UTRN: variants seen among roughly 807,000 people sequenced by gnomAD.
The protein encoded by UTRN is dystrophin-related protein 1.
UTRN carries 283 observed loss-of-function variants against 463.9 expected under a neutral mutation model. The ratio of observed to expected loss-of-function variants is 0.61; its 90% CI spans 0.55 to 0.67. UTRN has a LOEUF of 0.67. Ranked by LOEUF, UTRN falls within the 30% of genes least tolerant of loss-of-function variation. The pLI, the probability that UTRN is intolerant of heterozygous loss-of-function variation, is 0.00. For missense variants in UTRN, 3,922 were observed against 4,084.3 expected (o/e 0.96, Z 1.08); for synonymous variants, 1,442 against 1,431.5 (o/e 1.01, Z -0.17).
chr6:144,518,532 T>C (rs1795825255), intron 39 of UTRN, among the ~76,000 whole-genome samples: 1 of 152,222 alleles, frequency 6.6e-6, no homozygotes, highest in Non-Finnish European at 1.5e-5. Context: ...TCTTTTTAGG[T>C]TAGCTGAAAA....
chr6:144,353,776 G>A (rs971090358), intron 2 of UTRN, among the ~76,000 whole-genome samples: 3 of 152,156 alleles, frequency 2.0e-5, no homozygotes, highest in Admixed American at 2.0e-4. Flanking sequence ...GAACCTGGGA[G>A]TCGGAGGTTG....
At position 144,354,682 on chromosome 6, in the gene UTRN, C is replaced by T. The variant is rs1427638662; in HGVS notation, c.80-48441C>T. Among the ~76,000 whole-genome samples the T allele has an allele frequency of 3.9e-5, 6 of 152,122 alleles. No individual in the cohort carries two copies. The East Asian group carries it at 1.2e-3, about 29-fold the overall frequency. On this transcript the variant is annotated intron_variant, in intron 2 of 74. Coordinates refer to ENST00000367545, the MANE Select transcript of UTRN (RefSeq NM_007124.3). ...CTGCCCTTAGATCATCAGCCATTCA[C>T]TCCTATGGTCGGTCAAGGACACCTT...
At chr6:144,350,560 A>T (rs1213147600) in intron 2 of UTRN, among the ~76,000 whole-genome samples, 1 of 152,242 alleles carries the variant, frequency 6.6e-6, no homozygotes, top group African/African-American at 2.4e-5. Context: ...CGTCATCTAC[A>T]ACAGATGACA....
chr6:144,491,022 G>A lies in UTRN; in HGVS notation c.4357G>A (p.Gly1453Ser), dbSNP rs773065019. ...RMLDCKRVLD[G>S]VKAELHVLDV... ...GCTGGACTGCAAGCGTGTGCTGGATGGCGTGAAAGCAGAACTTCACGTTCT... is the reference window on the plus strand; with the variant it reads ...GCTGGACTGCAAGCGTGTGCTGGATAGCGTGAAAGCAGAACTTCACGTTCT... Residue 1453 changes from glycine (G) to serine (S), a missense_variant, in exon 32 of 75, where the codon GGC (glycine) becomes AGC (serine). Physicochemically the swap from Gly to Ser is moderately conservative, Grantham distance 56. Around this residue, in one of 3 missense-constraint regions of UTRN, gnomAD observed 2,349 missense variants for 2,303.8 expected, o/e 1.02. Transcript: ENST00000367545. 1 of 1,614,056 alleles carries A rather than the reference G, an allele frequency of 6.2e-7. No homozygotes were observed. The highest frequency in any genetic ancestry group is 2.2e-5 in the East Asian group (1 of 44,880).
intron 57 of UTRN, among the ~76,000 whole-genome samples, chr6:144,757,377 G>A (rs1792118741): frequency 6.6e-6 from 1 of 151,862 alleles, no homozygotes; most frequent in Non-Finnish European, 1.5e-5. Context: ...CTGCCTAGAC[G>A]ATTGCCTTGG....
intron 2 of UTRN, among the ~76,000 whole-genome samples, chr6:144,362,785 A>G (rs940259802): frequency 2.0e-5 from 3 of 152,160 alleles, no homozygotes; most frequent in Non-Finnish European, 2.9e-5. Context: ...ACGCGATGCA[A>G]TATCTTGGGT....
At chr6:144,614,959 C>T (rs1178507400) in intron 51 of UTRN, among the ~76,000 whole-genome samples, 1 of 152,116 alleles carries the variant, frequency 6.6e-6, no homozygotes, top group African/African-American at 2.4e-5. Flanking sequence ...TTCAAAGGCA[C>T]AAATTAGAGC....
chr6:144,514,329 T>C (rs1795428286), intron 36 of UTRN, among the ~76,000 whole-genome samples: 1 of 152,250 alleles, frequency 6.6e-6, no homozygotes, highest in Admixed American at 6.5e-5. Flanking sequence ...TGAGTGCTGC[T>C]TACTTCTGTA....
chr6:144,754,136 T>C (rs543509979), intron 56 of UTRN, among the ~76,000 whole-genome samples: 1 of 152,260 alleles, frequency 6.6e-6, no homozygotes, highest in South Asian at 2.1e-4. Flanking sequence ...ATATAATCTA[T>C]TATCTATCTA....
At chr6:144,846,120 A>T (rs1781989839) in intron 73 of UTRN, among the ~76,000 whole-genome samples, 1 of 152,208 alleles carries the variant, frequency 6.6e-6, no homozygotes, top group African/African-American at 2.4e-5. Flanking sequence ...TAGAGAAGAG[A>T]TGGCAGTGGC....
intron 2 of UTRN, among the ~76,000 whole-genome samples, chr6:144,378,259 T>C (rs1002755062): frequency 6.6e-6 from 1 of 152,216 alleles, no homozygotes; most frequent in African/African-American, 2.4e-5. Context: ...GAGGTCTAGA[T>C]TGAATACACT....
chr6:144,840,022 T>C lies in UTRN; in HGVS notation c.10178-718T>C, dbSNP rs371751421. 2.2e-4 allele frequency among the ~76,000 whole-genome samples: 33 copies of C among 152,164 alleles called. No homozygotes were observed. In the East Asian group the frequency reaches 5.4e-3, roughly 25 times the overall value. On this transcript the variant is annotated intron_variant, in intron 72 of 74. Coordinates refer to ENST00000367545, the MANE Select transcript of UTRN (RefSeq NM_007124.3). ...GGAGGCCATGGTGAAACCCCATCTC[T>C]ACTAAAAATACAAAAATTAGCCAGG...
intron 2 of UTRN, chr6:144,398,440 C>T (rs1782649438): frequency 8.1e-6 from 3 of 368,104 alleles, no homozygotes; most frequent in Non-Finnish European, 1.6e-5. Flanking sequence ...CTCTGAAGAA[C>T]ATCATGGAAG....
intron 52 of UTRN, among the ~76,000 whole-genome samples, chr6:144,681,962 A>C (rs1356378874): frequency 6.6e-6 from 1 of 152,160 alleles, no homozygotes; most frequent in Non-Finnish European, 1.5e-5. Flanking sequence ...TATCCCCTCA[A>C]GCATTTATCT....
Position 144,419,319 on chromosome 6 carries a change from C to A in UTRN, c.142-2559C>A, listed in dbSNP as rs995966278. ...AAAATCTCTTTGTCCCTGAATCTAT[C>A]GCTGCCTGTGAAAAAGGCAGCTGGG... On this transcript the variant is annotated intron_variant, in intron 3 of 74. Coordinates refer to ENST00000367545, the MANE Select transcript of UTRN (RefSeq NM_007124.3). Among the ~76,000 whole-genome samples the A allele has an allele frequency of 3.9e-5, 6 of 152,270 alleles. No homozygotes were observed. In the South Asian group the frequency reaches 1.2e-3, roughly 32 times the overall value.
intron 60 of UTRN, among the ~76,000 whole-genome samples, chr6:144,775,745 A>G (rs960479986): frequency 6.6e-6 from 1 of 152,182 alleles, no homozygotes; most frequent in Non-Finnish European, 1.5e-5. Flanking sequence ...TTCCATTGAC[A>G]GAAGACTGCT....
intron 2 of UTRN, among the ~76,000 whole-genome samples, chr6:144,391,254 T>C (rs893164653): frequency 1.4e-4 from 22 of 152,216 alleles, no homozygotes; most frequent in African/African-American, 5.1e-4. Context: ...TGATTTTTTG[T>C]AGGGACAGAG....
At chr6:144,653,287 G>C (rs1336538871) in intron 51 of UTRN, among the ~76,000 whole-genome samples, 1 of 152,048 alleles carries the variant, frequency 6.6e-6, no homozygotes, top group Non-Finnish European at 1.5e-5. Flanking sequence ...TTTGCTCTTA[G>C]AAATTATCTC....
rs768582479 is a variant in UTRN, at chr6:144,451,459, T to C, written c.2162T>C (p.Met721Thr). ...ACAGAGATAAAAGAGTATATGAAGATGCAAGACACTTCCGAAATGAAAAAG... is the reference window on the plus strand; with the variant it reads ...ACAGAGATAAAAGAGTATATGAAGACGCAAGACACTTCCGAAATGAAAAAG... ...QTTEIKEYMK[M>T]QDTSEMKKKL... The change falls in exon 18 of 75, where the codon ATG becomes ACG. Residue 721 changes from methionine to threonine, a missense_variant. Met to Thr is a moderately conservative substitution (Grantham distance 81). This residue lies in a region of UTRN where 2,349 missense variants were observed against 2,303.8 expected (regional missense o/e 1.02). Transcript: ENST00000367545. 8 of 1,611,440 alleles carry C rather than the reference T, an allele frequency of 5.0e-6. No homozygotes were observed. The highest frequency in any genetic ancestry group is 1.3e-5 in the African/African-American group (1 of 74,630).
Sources: gnomAD v4.1 joint callset for allele counts (sites outside exome capture counted in the v4.1 genomes callset) on GRCh38, gnomAD v4.1.1 for gene constraint, gnomAD v4.1.1 regional missense constraint, MANE v1.5 for transcripts, NCBI Gene and HGNC (gene_info 2026-07-23, HGNC 2026-07-21) for gene names.